The following HERC2 variants were observed in gnomAD, a reference collection of about 807,000 sequenced individuals.
The protein encoded by HERC2 is E3 ubiquitin-protein ligase HERC2.
In HERC2, 102 loss-of-function variants were observed where a neutral mutation model predicts 537.7. That is an observed-to-expected ratio of 0.19 (90% CI 0.16 to 0.22). The LOEUF is 0.22. HERC2 is among the 10% of genes least tolerant of loss of function. HERC2 has a pLI of 1.00. For missense variants in HERC2, 4,236 were observed against 6,198.2 expected (o/e 0.68, Z 10.63); for synonymous variants, 2,224 against 2,466.2 (o/e 0.90, Z 2.91).
At chr15:28,245,133 G>A (rs1435614416) in intron 23 of HERC2, among the ~76,000 whole-genome samples, 2 of 152,082 alleles carry the variant, frequency 1.3e-5, no homozygotes, top group African/African-American at 4.8e-5. Flanking sequence ...ATCAATCTCT[G>A]CCTCCTGAGC....
At chr15:28,247,960 C>A (rs924901682) in intron 21 of HERC2, among the ~76,000 whole-genome samples, 1 of 152,210 alleles carries the variant, frequency 6.6e-6, no homozygotes. Context: ...GGAGGGCCAG[C>A]CGCTGCCCTG....
At chr15:28,169,760 A>C in intron 65 of HERC2, 105 bp from the exon 66 acceptor site, 1 of 1,043,226 alleles carries the variant, frequency 9.6e-7, no homozygotes, top group Non-Finnish European at 1.4e-6. Flanking sequence ...TGCAATCTGC[A>C]TTTTGCTATT....
At position 28,163,107 on chromosome 15, in the gene HERC2, G is replaced by T; in HGVS notation, c.10733C>A (p.Thr3578Asn). The T allele has an allele frequency of 6.2e-7, 1 of 1,610,136 alleles. No homozygotes were observed. Among genetic ancestry groups the T allele is most frequent in the South Asian group, 1.1e-5 (1 of 90,984 alleles). The change falls in exon 69 of 93, where the codon ACC (threonine) becomes AAC (asparagine). Residue 3578 changes from threonine to asparagine, a missense_variant. Thr to Asn is a moderately conservative substitution (Grantham distance 65, BLOSUM62 0). Coordinates refer to ENST00000261609, the MANE Select transcript of HERC2 (RefSeq NM_004667.6). Reference protein sequence around the residue: ...VLSAVLSGMGTAYPQVADMLL... With the variant: ...VLSAVLSGMGNAYPQVADMLL... The stretch of plus-strand genomic sequence containing the variant: ...CCTGAGACTCACCTGTGGGTAGGCG[G>T]TCCCCATGCCGGAAAGCACCGCGGA...
intron 22 of HERC2, 29 bp from the exon 23 acceptor site, chr15:28,246,095 T>C (rs1419266791): frequency 7.0e-7 from 1 of 1,421,538 alleles, no homozygotes; most frequent in Non-Finnish European, 9.7e-7. Flanking sequence ...AAGATTTAAA[T>C]AAGTATTTAT....
intron 87 of HERC2, 23 bp downstream of exon 87, chr15:28,116,990 T>C: frequency 1.2e-6 from 2 of 1,613,880 alleles, no homozygotes; most frequent in Non-Finnish European, 1.7e-6. Flanking sequence ...ACACAGGTGC[T>C]CCAGCACGTG....
rs897484984 is a variant in HERC2 at position 28,210,898 on chromosome 15, T to C, written c.7069+104A>G. On this transcript the variant is annotated intron_variant, in intron 44 of 92. Coordinates refer to ENST00000261609, the MANE Select transcript of HERC2 (RefSeq NM_004667.6). The stretch of plus-strand genomic sequence containing the variant: ...GCAGGCCACATGTCTGTCTTGTACA[T>C]TTATAAGCCACCTATGTCCATTTTT... 8.3e-6 allele frequency: 9 copies of C among 1,078,120 alleles called. No individual in the cohort carries two copies. The Admixed American group carries it at 1.2e-4, about 14-fold the overall frequency. The allele number at this position is 1,078,120 out of a possible 1,614,324, so 66.8% of individuals were successfully genotyped here.
At position 28,229,285 on chromosome 15, in the gene HERC2, G is replaced by A. The variant is rs1223322623; in HGVS notation, c.5182C>T (p.Leu1728=). The A allele has an allele frequency of 1.9e-6, 3 of 1,613,084 alleles. No homozygotes were observed. The highest frequency in any genetic ancestry group is 1.7e-5 in the Admixed American group (1 of 60,010). The change falls in exon 34 of 93, where the codon CTG becomes TTG. Residue 1728 remains leucine, a synonymous_variant. Coordinates refer to ENST00000261609, the MANE Select transcript of HERC2 (RefSeq NM_004667.6). ...TACAGCTTGCCAAAGGTGACTTCCAGCAGCATCCGATTAAAAGGCGGGATC... is the reference window on the plus strand; with the variant it reads ...TACAGCTTGCCAAAGGTGACTTCCAACAGCATCCGATTAAAAGGCGGGATC... The part of the protein sequence containing the change: ...DLIPPFNRML[L]EVTFGKLYAW...
chr15:28,274,306 C>T lies in HERC2; in HGVS notation c.785G>A (p.Arg262Lys), dbSNP rs143576992. 10 of 1,614,222 alleles carry T rather than the reference C, an allele frequency of 6.2e-6. No individual in the cohort carries two copies. The highest frequency in any genetic ancestry group is 1.6e-4 in the Middle Eastern group (1 of 6,062). Residue 262 changes from arginine to lysine, a missense_variant, in exon 7 of 93, where the codon AGG becomes AAG. Arg to Lys is a conservative substitution (Grantham distance 26). Coordinates refer to ENST00000261609, the MANE Select transcript of HERC2 (RefSeq NM_004667.6). ...EVVERATRFL[R>K]SVVTGDVHGT... ...AAGAACTCACCCCGTCACGACGGAC[C>T]TGAGGAACCTGGTCGCTCTCTCCAC...
chr15:28,114,488 T>C (rs1365379976), intron 90 of HERC2, 124 bp downstream of exon 90: 7 of 789,598 alleles, frequency 8.9e-6, no homozygotes, highest in Non-Finnish European at 1.4e-5. Flanking sequence ...AGATCAGCAA[T>C]AGTTGGAGCC....
At chr15:28,319,514 G>C (rs2077176485) in intron 2 of HERC2, among the ~76,000 whole-genome samples, 1 of 150,754 alleles carries the variant, frequency 6.6e-6, no homozygotes, top group Admixed American at 6.6e-5. Context: ...GCATTCGGGA[G>C]GCGGAAGTTG....
intron 4 of HERC2, among the ~76,000 whole-genome samples, chr15:28,280,959 T>C (rs375437791): frequency 3.3e-5 from 5 of 151,892 alleles, no homozygotes; most frequent in Non-Finnish European, 5.9e-5. Context: ...TATTAGTCAA[T>C]ATTTATCAGC....
chr15:28,249,061 G>T (rs1462737883), intron 20 of HERC2, among the ~76,000 whole-genome samples: 1 of 152,226 alleles, frequency 6.6e-6, no homozygotes, highest in African/African-American at 2.4e-5. Flanking sequence ...AATGTTTAAG[G>T]AATGTAAACA....
intron 44 of HERC2, among the ~76,000 whole-genome samples, chr15:28,208,300 G>T (rs1484452041): frequency 1.3e-5 from 2 of 151,892 alleles, no homozygotes; most frequent in Admixed American, 6.6e-5. Context: ...CTCAATTCAA[G>T]CTTGAAACAG....
chr15:28,171,843 G>A (rs1286457519), intron 65 of HERC2, among the ~76,000 whole-genome samples: 3 of 152,152 alleles, frequency 2.0e-5, no homozygotes, highest in Non-Finnish European at 4.4e-5. Context: ...GGGAGGCCGA[G>A]GTGGGCGGAT....
At chr15:28,269,158 C>T (rs532709071) in intron 11 of HERC2, 90 bp downstream of exon 11, 36 of 929,180 alleles carry the variant, frequency 3.9e-5, no homozygotes, top group Middle Eastern at 3.3e-4. Context: ...AGAAATCAAA[C>T]GCCTTAAAGA....
At chr15:28,147,213 TATAA>T (rs1891841980) in intron 70 of HERC2, among the ~76,000 whole-genome samples, 1 of 152,088 alleles carries the variant, frequency 6.6e-6, no homozygotes. Context: ...GTGGACTAGA[TATAA>T]AGCGAGAGAG....
At chr15:28,118,462 A>C (rs1888520339) in intron 86 of HERC2, 1 of 152,254 alleles carries the variant, frequency 6.6e-6, no homozygotes, top group African/African-American at 2.4e-5. Flanking sequence ...TGAATTCCCT[A>C]AATTTTCAGA....
intron 23 of HERC2, among the ~76,000 whole-genome samples, chr15:28,241,759 G>A (rs1481459202): frequency 3.3e-5 from 5 of 152,120 alleles, no homozygotes; most frequent in Non-Finnish European, 7.3e-5. Flanking sequence ...GACAGAGGTT[G>A]CAGTGAGCCG....
intron 3 of HERC2, 135 bp from the exon 4 acceptor site, chr15:28,293,157 A>G: frequency 1.4e-6 from 1 of 740,606 alleles, no homozygotes; most frequent in African/African-American, 1.8e-5. Flanking sequence ...AATAAAATAC[A>G]TCAATCATAC....
Sources: gnomAD v4.1 joint callset for allele counts (sites outside exome capture counted in the v4.1 genomes callset) on GRCh38, gnomAD v4.1.1 for gene constraint, MANE v1.5 for transcripts, NCBI Gene and HGNC (gene_info 2026-07-23, HGNC 2026-07-21) for gene names.